Variants in CDK6 observed in about 807,000 individuals in gnomAD.
CDK6 encodes the protein cyclin-dependent kinase 6.
In CDK6, 6 loss-of-function variants were observed where a neutral mutation model predicts 37.1. That is an observed-to-expected ratio of 0.16 (90% CI 0.09 to 0.32). The LOEUF is 0.32. Among genes scored for constraint, CDK6 ranks in the 10% least tolerant of loss-of-function variants. The pLI, the probability that CDK6 is intolerant of heterozygous loss-of-function variation, is 1.00. For missense variants in CDK6, 224 were observed against 418.9 expected (o/e 0.53, Z 4.06); for synonymous variants, 160 against 161.3 (o/e 0.99, Z 0.06).
intron 5 of CDK6, among the ~76,000 whole-genome samples, chr7:92,666,508 T>C (rs962491905): frequency 2.0e-5 from 3 of 152,224 alleles, no homozygotes; most frequent in African/African-American, 7.2e-5. Context: ...TTAGTGGTTA[T>C]ATATTTATTC....
chr7:92,698,374 T>C (rs1797767748), intron 4 of CDK6, among the ~76,000 whole-genome samples: 2 of 152,222 alleles, frequency 1.3e-5, no homozygotes, highest in Non-Finnish European at 2.9e-5. Context: ...TTGGCTCTTT[T>C]TCCCTCGCGC....
chr7:92,688,441 T>A (rs1310776421), intron 4 of CDK6, among the ~76,000 whole-genome samples: 4 of 152,162 alleles, frequency 2.6e-5, no homozygotes, highest in Non-Finnish European at 5.9e-5. Context: ...TAAACTACTG[T>A]GTGACTCAGT....
intron 5 of CDK6, among the ~76,000 whole-genome samples, chr7:92,665,066 T>G (rs966450001): frequency 6.6e-6 from 1 of 152,170 alleles, no homozygotes; most frequent in Admixed American, 6.5e-5. Context: ...ATTACAGGTG[T>G]GAGTCACCAC....
intron 2 of CDK6, among the ~76,000 whole-genome samples, chr7:92,786,634 T>TAC (rs1184206251): frequency 3.0e-5 from 4 of 134,998 alleles, no homozygotes; most frequent in African/African-American, 1.3e-4. Context: ...TGTGTGTGTA[T>TAC]ACATATATAT....
Position 92,774,568 on chromosome 7 carries a change from G to C in CDK6, c.369+128C>G, listed in dbSNP as rs553663969. 9.0e-6 allele frequency: 7 copies of C among 777,826 alleles called. No individual in the cohort carries two copies. In the African/African-American group the frequency reaches 9.1e-5, roughly 10 times the overall value. 48.2% of individuals were successfully genotyped at this position (777,826 alleles called of 1,614,324 possible). On this transcript the variant is annotated intron_variant, in intron 3 of 7. Coordinates refer to ENST00000424848, the MANE Select transcript of CDK6 (RefSeq NM_001145306.2). ...ATCCCAATCTTTGAACATTTTCTTT[G>C]ATTTTTTTAACTATATACCGAATTC...
chr7:92,656,984 G>A (rs10235850), intron 5 of CDK6, among the ~76,000 whole-genome samples: 9,859 of 151,952 alleles, frequency 0.065, 1,081 homozygotes, highest in African/African-American at 0.22. Flanking sequence ...TTGGTCTTCC[G>A]GCCACACTTC....
intron 5 of CDK6, among the ~76,000 whole-genome samples, chr7:92,626,769 G>A (rs555645904): frequency 4.6e-5 from 7 of 152,068 alleles, no homozygotes; most frequent in African/African-American, 1.7e-4. Flanking sequence ...GAGAGGAGAA[G>A]CATGATTTTA....
At chr7:92,786,952 G>A (rs1325292235) in intron 2 of CDK6, among the ~76,000 whole-genome samples, 3 of 152,012 alleles carry the variant, frequency 2.0e-5, no homozygotes, top group African/African-American at 4.8e-5. Flanking sequence ...GGGAGGCTGA[G>A]GGGGGTGGAT....
intron 3 of CDK6, among the ~76,000 whole-genome samples, chr7:92,750,323 T>C (rs1011523542): frequency 1.3e-5 from 2 of 152,130 alleles, no homozygotes; most frequent in Non-Finnish European, 2.9e-5. Context: ...CTACATATAT[T>C]CCAAGGAATT....
chr7:92,802,083 T>C (rs1800594032), intron 2 of CDK6, among the ~76,000 whole-genome samples: 1 of 147,616 alleles, frequency 6.8e-6, no homozygotes, highest in African/African-American at 2.5e-5. Context: ...TACACTGATA[T>C]ACTGCATTGT....
At chr7:92,825,244 C>T (rs1036756842) in intron 2 of CDK6, among the ~76,000 whole-genome samples, 6 of 152,048 alleles carry the variant, frequency 3.9e-5, no homozygotes. Context: ...ATGCCAGAGA[C>T]CTCACCTGTA....
At chr7:92,686,976 G>GT (rs1377037767) in intron 4 of CDK6, among the ~76,000 whole-genome samples, 2 of 151,632 alleles carry the variant, frequency 1.3e-5, no homozygotes, top group African/African-American at 2.4e-5. Flanking sequence ...AATGTTTGTG[G>GT]TTTTTTTCTT....
chr7:92,632,808 T>C (rs1017189100), intron 5 of CDK6, among the ~76,000 whole-genome samples: 4 of 151,950 alleles, frequency 2.6e-5, no homozygotes, highest in African/African-American at 4.8e-5. Context: ...ATCTTGATTA[T>C]AAAATATATA....
At chr7:92,830,925 C>T (rs1348372860) in intron 2 of CDK6, among the ~76,000 whole-genome samples, 2 of 152,136 alleles carry the variant, frequency 1.3e-5, no homozygotes, top group Admixed American at 6.5e-5. Context: ...TGAATTGACC[C>T]CTCCCTGTGA....
At chr7:92,786,163 G>A (rs1800126229) in intron 2 of CDK6, among the ~76,000 whole-genome samples, 1 of 152,144 alleles carries the variant, frequency 6.6e-6, no homozygotes, top group South Asian at 2.1e-4. Context: ...CTCCAGCTTT[G>A]GGCCTCTCTT....
intron 3 of CDK6, among the ~76,000 whole-genome samples, chr7:92,772,268 T>C (rs1799735921): frequency 6.6e-6 from 1 of 152,134 alleles, no homozygotes; most frequent in African/African-American, 2.4e-5. Context: ...TAGCAAAAAA[T>C]GTTTGATTAA....
intron 3 of CDK6, among the ~76,000 whole-genome samples, chr7:92,726,110 A>C (rs1798506485): frequency 6.6e-6 from 1 of 152,174 alleles, no homozygotes; most frequent in African/African-American, 2.4e-5. Flanking sequence ...GGGGAGAGGA[A>C]GGAGGAGGTC....
In CDK6 at chr7:92,612,214, G is replaced by A. The variant is rs963446199; in HGVS notation, c.*2926C>T. On this transcript the variant is annotated 3_prime_UTR_variant, in exon 8 of 8. Coordinates refer to ENST00000424848, the MANE Select transcript of CDK6 (RefSeq NM_001145306.2). The stretch of plus-strand genomic sequence containing the variant: ...AACAGAAACTAGCAGGGACATTCTT[G>A]TACTGGTCCTACTATGAAATTCAAA... 3.0e-5 allele frequency: 7 copies of A among 233,002 alleles called. No homozygotes were observed. Among genetic ancestry groups the A allele is most frequent in the African/African-American group, 1.3e-4 (6 of 45,346 alleles). The allele number at this position is 233,002 out of a possible 1,614,324, so 14.4% of individuals were successfully genotyped here. A position where few individuals can be genotyped will look rare whatever the true frequency, so the allele number is the denominator to read the frequency against.
intron 2 of CDK6, among the ~76,000 whole-genome samples, chr7:92,825,049 T>G (rs1801275009): frequency 6.6e-6 from 1 of 152,092 alleles, no homozygotes; most frequent in South Asian, 2.1e-4. Context: ...ACAATAAAAC[T>G]CCACAGTTTC....
Sources: gnomAD v4.1 joint callset for allele counts (sites outside exome capture counted in the v4.1 genomes callset) on GRCh38, gnomAD v4.1.1 for gene constraint, MANE v1.5 for transcripts, NCBI Gene and HGNC (gene_info 2026-07-23, HGNC 2026-07-21) for gene names.